JMY: variants seen among roughly 807,000 people sequenced by gnomAD.
JMY encodes junction mediating and regulatory protein, p53 cofactor.
In JMY, 46 loss-of-function variants were observed where a neutral mutation model predicts 103.3. That is an observed-to-expected ratio of 0.45 (90% confidence interval 0.35 to 0.57). The LOEUF is 0.57. Ranked by LOEUF, JMY falls within the 20% of genes least tolerant of loss-of-function variation. JMY has a pLI of 0.00. For synonymous variants in JMY, 526 were observed against 489.3 expected (o/e 1.07, Z -0.99); for missense variants, 1,238 against 1,255.2 (o/e 0.99, Z 0.21).
At chr5:79,320,810 T>G (rs1747426349) in intron 10 of JMY, among the ~76,000 whole-genome samples, 1 of 152,212 alleles carries the variant, frequency 6.6e-6, no homozygotes, top group African/African-American at 2.4e-5. Context: ...ACTAAGGACA[T>G]TGCTTTCTAT....
At chr5:79,271,190 T>TA (rs1252092999) in intron 1 of JMY, among the ~76,000 whole-genome samples, 24 of 149,914 alleles carry the variant, frequency 1.6e-4, no homozygotes, top group Admixed American at 2.6e-4. Context: ...CACACCTGGC[T>TA]ATTTTTTTTT....
chr5:79,320,223 A>G (rs559809872), intron 10 of JMY, among the ~76,000 whole-genome samples: 2 of 152,266 alleles, frequency 1.3e-5, no homozygotes, highest in East Asian at 3.9e-4. Context: ...TCCACTAAAA[A>G]TACAAAAAGT....
intron 1 of JMY, among the ~76,000 whole-genome samples, chr5:79,253,244 A>T (rs147025643): frequency 6.6e-6 from 1 of 151,740 alleles, no homozygotes; most frequent in Admixed American, 6.6e-5. Flanking sequence ...TGTTGTTTCT[A>T]TATATCTTAT....
At chr5:79,273,225 G>C (rs577850927) in intron 1 of JMY, among the ~76,000 whole-genome samples, 2 of 152,200 alleles carry the variant, frequency 1.3e-5, no homozygotes, top group South Asian at 4.1e-4. Context: ...TTCTTATGGT[G>C]TCCATCTGCT....
At chr5:79,297,848 GA>G (rs1746609651) in intron 4 of JMY, among the ~76,000 whole-genome samples, 1 of 152,060 alleles carries the variant, frequency 6.6e-6, no homozygotes, top group South Asian at 2.1e-4. Context: ...AGAACTCACC[GA>G]ACCAAAAAAT....
At chr5:79,259,118 T>C (rs1045176391) in intron 1 of JMY, among the ~76,000 whole-genome samples, 1 of 152,138 alleles carries the variant, frequency 6.6e-6, no homozygotes, top group Non-Finnish European at 1.5e-5. Context: ...TGAAGCTGGT[T>C]GTCCCATCAT....
chr5:79,279,415 A>G (rs1217411672), intron 2 of JMY, among the ~76,000 whole-genome samples: 1 of 152,226 alleles, frequency 6.6e-6, no homozygotes, highest in Non-Finnish European at 1.5e-5. Context: ...TTGATTTTAT[A>G]GCTGACCTTA....
At chr5:79,270,552 ATTTACAT>A (rs1204489582) in intron 1 of JMY, among the ~76,000 whole-genome samples, 1 of 135,282 alleles carries the variant, frequency 7.4e-6, no homozygotes, top group Non-Finnish European at 1.6e-5. Context: ...TAAAATGTAT[ATTTACAT>A]AAATATTTAA....
At chr5:79,269,674 G>A (rs546693294) in intron 1 of JMY, among the ~76,000 whole-genome samples, 22 of 151,900 alleles carry the variant, frequency 1.4e-4, no homozygotes, top group African/African-American at 4.6e-4. Context: ...CTAATTTTTG[G>A]TGTGCTAATA....
At chr5:79,248,395 C>G (rs766947476) in intron 1 of JMY, among the ~76,000 whole-genome samples, 3 of 152,062 alleles carry the variant, frequency 2.0e-5, no homozygotes, top group Non-Finnish European at 2.9e-5. Context: ...CAGCCTCTGC[C>G]TCCCAGGTGC....
intron 1 of JMY, among the ~76,000 whole-genome samples, chr5:79,263,081 G>T (rs1288761852): frequency 6.6e-6 from 1 of 152,096 alleles, no homozygotes; most frequent in Non-Finnish European, 1.5e-5. Flanking sequence ...GACTCAGGGG[G>T]ATTTTACTAT....
rs750850040 is a variant in JMY at position 79,237,619 on chromosome 5, C to T, written c.969C>T (p.Leu323=). ...ATCCCGAGGAGTATTACGAAAGCCT[C>T]AGCGAGCTGCGGCAGAAGGGCTACG... The part of the protein sequence containing the change: ...TDDPEEYYES[L]SELRQKGYEE... Residue 323 remains leucine, a synonymous_variant, in exon 1 of 11, where the codon CTC becomes CTT. Coordinates refer to ENST00000396137, the MANE Select transcript of JMY (RefSeq NM_152405.5). 4 of 1,613,788 alleles carry T rather than the reference C, an allele frequency of 2.5e-6. No individual in the cohort carries two copies. The highest frequency in any genetic ancestry group is 3.4e-6 in the Non-Finnish European group (4 of 1,180,024).
Position 79,236,445 on chromosome 5 carries a change from A to G in JMY, c.-206A>G, listed in dbSNP as rs1744495264. ...TGAACTACCTGCTCCCGGGACGCTT[A>G]TTGTCCTTCTCTCGATCCGCGCCAC... On this transcript the variant is annotated 5_prime_UTR_variant, in exon 1 of 11. Coordinates refer to ENST00000396137, the MANE Select transcript of JMY (RefSeq NM_152405.5). 6 of 404,784 alleles carry G rather than the reference A, an allele frequency of 1.5e-5. No individual in the cohort carries two copies. Among genetic ancestry groups the G allele is most frequent in the Middle Eastern group, 1.3e-3 (2 of 1,510 alleles). The allele number at this position is 404,784 out of a possible 1,614,324, so 25.1% of individuals were successfully genotyped here.
intron 6 of JMY, 43 bp downstream of exon 6, chr5:79,300,906 G>A (rs754997038): frequency 2.0e-5 from 29 of 1,463,150 alleles, no homozygotes; most frequent in South Asian, 6.6e-5. Context: ...TCTTTTATCC[G>A]TATCTACTAA....
At position 79,236,568 on chromosome 5, in the gene JMY, CG is replaced by C. The variant is rs968519888; in HGVS notation, c.-77del. On this transcript the variant is annotated 5_prime_UTR_variant, in exon 1 of 11. Coordinates refer to ENST00000396137, the MANE Select transcript of JMY (RefSeq NM_152405.5). ...GCTGAAGGCGCCCGGCGAGGGTGAGCGGGGGGCGCGGCGCAGCCAGCGGGGA... is the reference window on the plus strand; with the variant it reads ...GCTGAAGGCGCCCGGCGAGGGTGAGCGGGGGCGCGGCGCAGCCAGCGGGGA... 21 of 1,138,948 alleles carry C rather than the reference CG, an allele frequency of 1.8e-5. No individual in the cohort carries two copies. In the Admixed American group the frequency reaches 4.7e-4, roughly 25 times the overall value. 70.6% of individuals were successfully genotyped at this position (1,138,948 alleles called of 1,614,324 possible). A position where few individuals can be genotyped will look rare whatever the true frequency, so the allele number is the denominator to read the frequency against.
At chr5:79,240,460 C>A (rs1224040889) in intron 1 of JMY, among the ~76,000 whole-genome samples, 4 of 152,104 alleles carry the variant, frequency 2.6e-5, no homozygotes, top group Non-Finnish European at 2.9e-5. Context: ...ACAGTCGCCG[C>A]TACCATGCCT....
intron 10 of JMY, among the ~76,000 whole-genome samples, chr5:79,318,278 G>A (rs1203521088): frequency 6.6e-6 from 1 of 151,346 alleles, no homozygotes; most frequent in Non-Finnish European, 1.5e-5. Context: ...GCCTCCCAAA[G>A]TGCTGGGATT....
At chr5:79,267,101 T>A (rs929989833) in intron 1 of JMY, among the ~76,000 whole-genome samples, 5 of 152,240 alleles carry the variant, frequency 3.3e-5, no homozygotes, top group African/African-American at 1.2e-4. Flanking sequence ...CTGCCTTCAG[T>A]CTTCCCTATT....
At chr5:79,314,935 A>T in intron 9 of JMY, 84 bp downstream of exon 9, 3 of 1,248,888 alleles carry the variant, frequency 2.4e-6, no homozygotes, top group Non-Finnish European at 3.3e-6. Flanking sequence ...TGCAAAGCTT[A>T]AAACACTTTA....
Sources: gnomAD v4.1 joint callset for allele counts (sites outside exome capture counted in the v4.1 genomes callset) on GRCh38, gnomAD v4.1.1 for gene constraint, MANE v1.5 for transcripts, NCBI Gene and HGNC (gene_info 2026-07-23, HGNC 2026-07-21) for gene names.